Variants in BACH1 observed in about 807,000 individuals in gnomAD.
The protein encoded by BACH1 is transcription regulator protein BACH1.
In BACH1, 35 loss-of-function variants were observed where a neutral mutation model predicts 52.9. The ratio of observed to expected loss-of-function variants is 0.66; its 90% confidence interval spans 0.51 to 0.88. The LOEUF (loss-of-function observed/expected upper bound fraction) is 0.88. Ranked by LOEUF, BACH1 falls within the 40% of genes least tolerant of loss-of-function variation. BACH1 has a pLI of 0.00. For synonymous variants in BACH1, 321 were observed against 319.6 expected (o/e 1.00, Z -0.05); for missense variants, 808 against 872.6 (o/e 0.93, Z 0.93).
chr21:29,312,835 AATAG>A (rs1246061253), intron 1 of BACH1, among the ~76,000 whole-genome samples: 1 of 152,182 alleles, frequency 6.6e-6, no homozygotes, highest in Non-Finnish European at 1.5e-5. Context: ...GTTCTCCCCA[AATAG>A]ATCTATATTT....
rs576267403 is a variant in BACH1, at chr21:29,303,002, T to C, written c.-61+4049T>C. The stretch of plus-strand genomic sequence containing the variant: ...ACTTGCCATTCTTTGGCTAGTCTTT[T>C]CCACGTTGTAGTTGACATTGTGGCC... On this transcript the variant is annotated intron_variant, in intron 1 of 4. Coordinates refer to ENST00000286800, the MANE Select transcript of BACH1 (RefSeq NM_001186.4). Among the ~76,000 whole-genome samples the C allele has an allele frequency of 1.4e-4, 21 of 152,370 alleles. No individual in the cohort carries two copies. In the South Asian group the frequency reaches 4.1e-3, roughly 30 times the overall value.
intron 1 of BACH1, among the ~76,000 whole-genome samples, chr21:29,311,808 T>C (rs943240752): frequency 1.3e-5 from 2 of 152,254 alleles, no homozygotes; most frequent in African/African-American, 4.8e-5. Context: ...ACCATTCCCA[T>C]TCTTCCTGAT....
intron 4 of BACH1, among the ~76,000 whole-genome samples, chr21:29,340,985 AAAG>A (rs1168110588): frequency 6.6e-6 from 1 of 152,004 alleles, no homozygotes; most frequent in Non-Finnish European, 1.5e-5. Context: ...AAAAAAAAAA[AAAG>A]AACTTGTATA....
chr21:29,336,314 G>C (rs1224683958), intron 4 of BACH1, among the ~76,000 whole-genome samples: 1 of 152,172 alleles, frequency 6.6e-6, no homozygotes, highest in African/African-American at 2.4e-5. Flanking sequence ...GAGTTGAGGA[G>C]ACTGAGTTTA....
At chr21:29,346,204 G>C (rs1323528501), downstream of BACH1, 1 of 151,796 alleles carries the variant, frequency 6.6e-6, no homozygotes, top group African/African-American at 2.4e-5. Flanking sequence ...ACTCAGTTTA[G>C]TCTTTTGATC....
chr21:29,323,981 G>A (rs1363127447), intron 2 of BACH1, among the ~76,000 whole-genome samples: 1 of 152,170 alleles, frequency 6.6e-6, no homozygotes, highest in African/African-American at 2.4e-5. Flanking sequence ...GCCGGGCCCA[G>A]TGGCTCATGC....
chr21:29,330,640 A>G (rs1213539720), intron 4 of BACH1, among the ~76,000 whole-genome samples: 3 of 152,220 alleles, frequency 2.0e-5, no homozygotes, highest in African/African-American at 7.2e-5. Flanking sequence ...TAGCAAGGAA[A>G]CAGCCTAGAA....
At chr21:29,306,169 AGTGTGTGTGTGT>A (rs61571512) in intron 1 of BACH1, among the ~76,000 whole-genome samples, 95 of 141,286 alleles carry the variant, frequency 6.7e-4, no homozygotes, top group East Asian at 3.6e-3. Context: ...GGTCAGGAAG[AGTGTGTGTGTGT>A]GTGTGTGTGT....
At position 29,326,651 on chromosome 21, in the gene BACH1, T is replaced by G; in HGVS notation, c.827T>G (p.Met276Arg). The G allele has an allele frequency of 6.2e-7, 1 of 1,614,084 alleles. No homozygotes were observed. Among genetic ancestry groups the G allele is most frequent in the Non-Finnish European group, 8.5e-7 (1 of 1,180,020 alleles). ...CCGGAGTGTAGAGATTTGCAGGTGA[T>G]GTTAAAATGTGACGAAAGTAAATTA... Reference protein sequence around the residue: ...GVPECRDLQVMLKCDESKLAM... With the variant: ...GVPECRDLQVRLKCDESKLAM... The change falls in exon 3 of 5, where the codon ATG (methionine) becomes AGG (arginine). Residue 276 changes from methionine to arginine, a missense_variant. Coordinates refer to ENST00000286800, the MANE Select transcript of BACH1 (RefSeq NM_001186.4).
chr21:29,326,047 G>A lies in BACH1; in HGVS notation c.235-12G>A. 6.3e-7 allele frequency: 1 copy of A among 1,576,946 alleles called. No individual in the cohort carries two copies. On this transcript the variant is annotated splice_polypyrimidine_tract_variant and intron_variant, in intron 2 of 4. Transcript: ENST00000286800. ...CAAATGATGTGTTTGTTTTTATTTT[G>A]TGTATCAACAGGTGACAGTTAAAGG...
downstream of BACH1, among the ~76,000 whole-genome samples, chr21:29,350,112 T>C (rs2089193889): frequency 6.6e-6 from 1 of 152,112 alleles, no homozygotes; most frequent in Admixed American, 6.5e-5. Context: ...TTAAAACCTC[T>C]TACCCAGACC....
At chr21:29,330,500 C>G (rs562922444) in intron 4 of BACH1, among the ~76,000 whole-genome samples, 5 of 152,198 alleles carry the variant, frequency 3.3e-5, no homozygotes, top group Admixed American at 6.5e-5. Context: ...ATTCCAGCAT[C>G]AAGACACAAA....
downstream of BACH1, among the ~76,000 whole-genome samples, chr21:29,348,711 A>T (rs1956738980): frequency 6.6e-6 from 1 of 152,304 alleles, no homozygotes; most frequent in South Asian, 2.1e-4. Context: ...CTGAGCCAAC[A>T]TCCCTGTATA....
At chr21:29,307,629 ATTG>A (rs1470785138) in intron 1 of BACH1, among the ~76,000 whole-genome samples, 2 of 152,152 alleles carry the variant, frequency 1.3e-5, no homozygotes, top group Non-Finnish European at 2.9e-5. Flanking sequence ...GTATTTTATT[ATTG>A]TTAATCTCTT....
intron 2 of BACH1, among the ~76,000 whole-genome samples, chr21:29,355,274 T>G (rs1196696237): frequency 1.3e-5 from 2 of 152,046 alleles, no homozygotes; most frequent in African/African-American, 4.8e-5. Context: ...GAGGGCTGTT[T>G]GGTGCGTTTA....
downstream of BACH1, among the ~76,000 whole-genome samples, chr21:29,346,577 A>G (rs139816770): frequency 2.0e-5 from 3 of 151,990 alleles, no homozygotes; most frequent in South Asian, 6.3e-4. Context: ...TTGCTTGCCT[A>G]GGGGACACTT....
intron 2 of BACH1, chr21:29,351,869 G>T: frequency 2.4e-6 from 1 of 423,224 alleles, no homozygotes. Context: ...GTTTACTAGG[G>T]CCTGGGAGAG....
rs552157712 is a variant in BACH1 at position 29,320,259 on chromosome 21, C to T, written c.-60-962C>T. Among the ~76,000 whole-genome samples, 8 of 152,316 alleles carry T rather than the reference C, an allele frequency of 5.3e-5. No individual in the cohort carries two copies. In the South Asian group the frequency reaches 1.5e-3, roughly 28 times the overall value. On this transcript the variant is annotated intron_variant, in intron 1 of 4. Coordinates refer to ENST00000286800, the MANE Select transcript of BACH1 (RefSeq NM_001186.4). ...CACGGATAAAGGCCAATAAGCTCCT[C>T]ACAGTATCATCCTTTCCGGCCGTAG...
Position 29,324,556 on chromosome 21 carries a change from TTGTGTGTGTGTG to T in BACH1, c.235-1469_235-1458del, listed in dbSNP as rs59785894. Among the ~76,000 whole-genome samples, 423 of 145,324 alleles carry T rather than the reference TTGTGTGTGTGTG, an allele frequency of 2.9e-3. 6 individuals carry two copies. The highest frequency in any genetic ancestry group is 8.1e-3 in the African/African-American group (321 of 39,656). The stretch of plus-strand genomic sequence containing the variant: ...TAATATTCTGTAGTATGGATGTACC[TTGTGTGTGTGTG>T]TGTGTGTGTGTGTGTGTGTGTGTGT... On this transcript the variant is annotated intron_variant, in intron 2 of 4. Transcript: ENST00000286800.
Sources: gnomAD v4.1 joint callset for allele counts (sites outside exome capture counted in the v4.1 genomes callset) on GRCh38, gnomAD v4.1.1 for gene constraint, MANE v1.5 for transcripts, NCBI Gene and HGNC (gene_info 2026-07-23, HGNC 2026-07-21) for gene names.